The following PHF24 variants were observed in gnomAD, a reference collection of about 807,000 sequenced individuals.
The protein encoded by PHF24 is Galpha inhibitory interacting protein.
PHF24 carries 25 observed loss-of-function variants against 42.6 expected under a neutral mutation model. That is an observed-to-expected ratio of 0.59 (90% CI 0.43 to 0.82). The LOEUF (loss-of-function observed/expected upper bound fraction) is 0.82, where lower values mean the gene tolerates loss of function less well. PHF24 is among the 40% of genes least tolerant of loss of function. The pLI is 0.00. For synonymous variants in PHF24, 185 were observed against 204.8 expected (o/e 0.90, Z 0.83); for missense variants, 470 against 538.1 (o/e 0.87, Z 1.25).
chr9:34,749,502 G>A, the PHF24 span, among the ~76,000 whole-genome samples: 1 of 152,130 alleles, frequency 6.6e-6, no homozygotes, highest in Non-Finnish European at 1.5e-5. Flanking sequence ...AAAGGCCAAG[G>A]TGGGAGGATT....
chr9:34,807,024 G>GT, the PHF24 span, among the ~76,000 whole-genome samples: 3 of 152,078 alleles, frequency 2.0e-5, no homozygotes, highest in Non-Finnish European at 4.4e-5. Flanking sequence ...TCATTTGGAT[G>GT]TTTTTTACTT....
the PHF24 span, among the ~76,000 whole-genome samples, chr9:34,905,160 G>A: frequency 6.6e-6 from 1 of 152,188 alleles, no homozygotes; most frequent in Non-Finnish European, 1.5e-5. Context: ...AATGGAGCCT[G>A]CCTATAAAGC....
At chr9:34,954,921 A>T (rs561098431), upstream of PHF24, among the ~76,000 whole-genome samples, 54 of 152,372 alleles carry the variant, frequency 3.5e-4, no homozygotes, top group African/African-American at 1.2e-3. Context: ...CTAAGAATTT[A>T]GTTACTTATC....
intron 4 of PHF24, 58 bp from the exon 5 acceptor site, chr9:34,976,477 G>T: frequency 6.4e-7 from 1 of 1,556,636 alleles, no homozygotes; most frequent in Non-Finnish European, 8.8e-7. Flanking sequence ...TGGAGGTGAT[G>T]GAGGTGCCCT....
chr9:34,963,237 G>C (rs531072003), intron 1 of PHF24, among the ~76,000 whole-genome samples: 1 of 148,930 alleles, frequency 6.7e-6, no homozygotes, highest in Non-Finnish European at 1.5e-5. Context: ...TCAAAGACCC[G>C]CACGAGAACT....
At chr9:34,951,148 GA>G in the PHF24 span, among the ~76,000 whole-genome samples, 2 of 152,174 alleles carry the variant, frequency 1.3e-5, no homozygotes, top group African/African-American at 4.8e-5. Flanking sequence ...TGTGGTTCAA[GA>G]GTTCATGCAT....
the PHF24 span, chr9:34,922,080 T>G: frequency 4.7e-5 from 49 of 1,051,706 alleles, no homozygotes; most frequent in African/African-American, 7.5e-4. Context: ...AGAAGTAACA[T>G]AAACCTGTCA....
At chr9:34,856,813 G>T in the PHF24 span, among the ~76,000 whole-genome samples, 2 of 152,260 alleles carry the variant, frequency 1.3e-5, no homozygotes, top group East Asian at 1.9e-4. Context: ...CAGAGCAGGT[G>T]TGCTGCACTG....
chr9:34,840,881 G>A, the PHF24 span, among the ~76,000 whole-genome samples: 1 of 151,590 alleles, frequency 6.6e-6, no homozygotes, highest in African/African-American at 2.4e-5. Context: ...AAATATATAA[G>A]TATATATGTA....
chr9:34,698,393 A>T, the PHF24 span, among the ~76,000 whole-genome samples: 1 of 152,196 alleles, frequency 6.6e-6, no homozygotes, highest in African/African-American at 2.4e-5. Flanking sequence ...TTTTAGAGGC[A>T]ATATATACTG....
At chr9:34,891,023 C>A in the PHF24 span, among the ~76,000 whole-genome samples, 6 of 152,172 alleles carry the variant, frequency 3.9e-5, no homozygotes, top group Non-Finnish European at 8.8e-5. Context: ...TGAGTGATTG[C>A]CTGGGCCACA....
chr9:34,835,554 C>G, the PHF24 span: 1 of 1,551,592 alleles, frequency 6.4e-7, no homozygotes, highest in Non-Finnish European at 8.7e-7. Context: ...TGATGCTGGC[C>G]TTGGTTTCCC....
chr9:34,939,775 C>G, the PHF24 span, among the ~76,000 whole-genome samples: 1 of 152,184 alleles, frequency 6.6e-6, no homozygotes, highest in Non-Finnish European at 1.5e-5. Flanking sequence ...GGAGCAGCTC[C>G]TCTATGGTTC....
intron 2 of PHF24, among the ~76,000 whole-genome samples, chr9:34,972,134 A>G (rs934792129): frequency 1.3e-5 from 2 of 152,210 alleles, no homozygotes; most frequent in African/African-American, 4.8e-5. Flanking sequence ...CTCCCTGTTC[A>G]TAAACATGGT....
chr9:34,722,960 A>C, the PHF24 span: 1 of 405,936 alleles, frequency 2.5e-6, no homozygotes, highest in Non-Finnish European at 4.4e-6. Flanking sequence ...AGGTAAGTTA[A>C]AGCTCCTTCC....
intron 3 of PHF24, among the ~76,000 whole-genome samples, chr9:34,973,507 C>T (rs1199841623): frequency 6.6e-6 from 1 of 152,198 alleles, no homozygotes; most frequent in Admixed American, 6.5e-5. Flanking sequence ...TCTCACTACA[C>T]CTGAATAGAG....
the PHF24 span, among the ~76,000 whole-genome samples, chr9:34,839,862 T>C: frequency 1.3e-5 from 2 of 152,220 alleles, no homozygotes; most frequent in African/African-American, 4.8e-5. Flanking sequence ...AGAGAGAGAA[T>C]GCATGGAGGG....
chr9:34,962,464 G>A (rs931561706), intron 1 of PHF24, among the ~76,000 whole-genome samples: 1 of 149,440 alleles, frequency 6.7e-6, no homozygotes, highest in South Asian at 2.1e-4. Context: ...CCCTGCACAC[G>A]CACATACTCA....
chr9:34,711,543 T>A, the PHF24 span, among the ~76,000 whole-genome samples: 3 of 86,166 alleles, frequency 3.5e-5, no homozygotes, highest in Non-Finnish European at 6.8e-5. Context: ...ATGTTGTTAC[T>A]TTTTTTTTTT....
Sources: allele counts gnomAD v4.1 joint callset (sites outside exome capture counted in the v4.1 genomes callset), GRCh38; gene constraint gnomAD v4.1.1; transcripts MANE v1.5; gene names NCBI Gene and HGNC (gene_info 2026-07-23, HGNC 2026-07-21).